DPP6: variants seen among roughly 807,000 people sequenced by gnomAD.
The protein encoded by DPP6 is dipeptidyl peptidase like 6.
A neutral mutation model predicts 122.6 loss-of-function variants in DPP6; 69 were observed. The ratio of observed to expected loss-of-function variants is 0.56; its 90% confidence interval spans 0.46 to 0.69. The LOEUF (loss-of-function observed/expected upper bound fraction) is 0.69, where lower values mean the gene tolerates loss of function less well. DPP6 is among the 30% of genes least tolerant of loss of function. The probability of loss-of-function intolerance (pLI) is 0.00; values close to 1 mark genes in which losing one functional copy is unlikely to be tolerated. For missense variants in DPP6, 928 were observed against 1,116.9 expected (o/e 0.83, Z 2.41); for synonymous variants, 418 against 433.1 (o/e 0.97, Z 0.43).
At chr7:154,452,721 A>G (rs1820494764) in intron 2 of DPP6, among the ~76,000 whole-genome samples, 1 of 152,158 alleles carries the variant, frequency 6.6e-6, no homozygotes, top group Non-Finnish European at 1.5e-5. Flanking sequence ...TCTCATGCGC[A>G]TGGTGGAGTG....
chr7:154,669,267 A>ATT, intron 6 of DPP6, 93 bp from the exon 7 acceptor site: 1 of 1,534,886 alleles, frequency 6.5e-7, no homozygotes, highest in South Asian at 1.2e-5. Context: ...AGGAGAAAGG[A>ATT]GTTAAGTTAT....
chr7:154,530,354 A>G (rs1307276177), intron 3 of DPP6, among the ~76,000 whole-genome samples: 1 of 152,204 alleles, frequency 6.6e-6, no homozygotes, highest in Non-Finnish European at 1.5e-5. Flanking sequence ...CAAGATGCTC[A>G]GTGAACATCA....
intron 1 of DPP6, among the ~76,000 whole-genome samples, chr7:153,938,946 A>G (rs1801578907): frequency 6.6e-6 from 1 of 152,210 alleles, no homozygotes; most frequent in South Asian, 2.1e-4. Flanking sequence ...TAGACACAAA[A>G]GTACTTTTTC....
intron 1 of DPP6, among the ~76,000 whole-genome samples, chr7:154,033,575 CTTTA>C (rs1799366620): frequency 6.6e-6 from 1 of 152,244 alleles, no homozygotes; most frequent in Non-Finnish European, 1.5e-5. Flanking sequence ...TGCTGCAAGG[CTTTA>C]CATCCTCCTC....
chr7:154,662,074 C>A (rs1283123871), intron 6 of DPP6, among the ~76,000 whole-genome samples: 1 of 148,214 alleles, frequency 6.7e-6, no homozygotes, highest in Non-Finnish European at 1.5e-5. Context: ...GCGTATTGGC[C>A]ATAGTGTTCA....
At chr7:154,610,707 CTGTGTGTGTGTGTGTGTGTGTGTG>C (rs10525265) in intron 5 of DPP6, among the ~76,000 whole-genome samples, 2 of 121,996 alleles carry the variant, frequency 1.6e-5, no homozygotes, top group Admixed American at 8.8e-5. Flanking sequence ...GTGTTGTTCT[CTGTGTGTGTGTGTGTGTGTGTGTG>C]TGTGTGTGTG....
chr7:154,705,138 G>A (rs1310382627), intron 7 of DPP6, among the ~76,000 whole-genome samples: 1 of 152,142 alleles, frequency 6.6e-6, no homozygotes, highest in Non-Finnish European at 1.5e-5. Context: ...GGGGGAGAAG[G>A]GAGGGCATAG....
intron 8 of DPP6, among the ~76,000 whole-genome samples, chr7:154,730,588 A>G (rs1842289241): frequency 6.6e-6 from 1 of 152,238 alleles, no homozygotes; most frequent in Non-Finnish European, 1.5e-5. Flanking sequence ...ACAAAGGAAA[A>G]AAGATGTTTA....
chr7:154,463,076 C>T (rs576701167), intron 2 of DPP6, among the ~76,000 whole-genome samples: 2 of 151,900 alleles, frequency 1.3e-5, no homozygotes, highest in Admixed American at 1.3e-4. Flanking sequence ...GAAATATCAT[C>T]CAAGAACCAA....
intron 1 of DPP6, among the ~76,000 whole-genome samples, chr7:154,182,394 C>T (rs1248831865): frequency 6.6e-6 from 1 of 152,128 alleles, no homozygotes; most frequent in African/African-American, 2.4e-5. Context: ...TCCCCCTCCT[C>T]ATGCTGGTTG....
chr7:154,215,900 A>G (rs1799968783), intron 1 of DPP6, among the ~76,000 whole-genome samples: 4 of 152,098 alleles, frequency 2.6e-5, no homozygotes, highest in Admixed American at 6.6e-5. Context: ...AGTAGGCTGA[A>G]TTCTTCAACC....
At chr7:154,431,995 CT>C (rs1408510544) in intron 1 of DPP6, among the ~76,000 whole-genome samples, 4 of 152,154 alleles carry the variant, frequency 2.6e-5, no homozygotes, top group African/African-American at 9.7e-5. Flanking sequence ...TGATCTCAGC[CT>C]GGCCCAGCTC....
chr7:153,773,325 TATA>T, the DPP6 span, among the ~76,000 whole-genome samples: 4 of 42,284 alleles, frequency 9.5e-5, no homozygotes, highest in Admixed American at 2.4e-4. Context: ...TATATATATA[TATA>T]TATTTTTTTT....
chr7:154,856,594 G>A (rs1378223911), intron 17 of DPP6, among the ~76,000 whole-genome samples: 1 of 152,202 alleles, frequency 6.6e-6, no homozygotes, highest in East Asian at 1.9e-4. Context: ...CAAAGATCCA[G>A]GAAATTTTGT....
chr7:153,844,767 A>G, the DPP6 span, among the ~76,000 whole-genome samples: 5 of 152,216 alleles, frequency 3.3e-5, no homozygotes, highest in Non-Finnish European at 5.9e-5. Context: ...TTTTAAATAT[A>G]ATGTTTTGAA....
chr7:154,322,500 G>C (rs559963101), intron 1 of DPP6, among the ~76,000 whole-genome samples: 4 of 152,320 alleles, frequency 2.6e-5, no homozygotes, highest in African/African-American at 9.6e-5. Context: ...GCCATGGAGA[G>C]ACTCGTGCTT....
At position 154,310,099 on chromosome 7, in the gene DPP6, C is replaced by T. The variant is rs547087569; in HGVS notation, c.244-136115C>T. ...ATGTGTGAAGGATTTGAGGAGAGAA[C>T]TGGGAAGTCTTGGATATCCTACAGA... On this transcript the variant is annotated intron_variant, in intron 1 of 25. Coordinates refer to ENST00000377770, the MANE Select transcript of DPP6 (RefSeq NM_130797.4). Among the ~76,000 whole-genome samples, 6 of 152,236 alleles carry T rather than the reference C, an allele frequency of 3.9e-5. No individual in the cohort carries two copies. The East Asian group carries it at 7.7e-4, about 20-fold the overall frequency.
At chr7:154,700,673 G>T (rs1204063220) in intron 7 of DPP6, among the ~76,000 whole-genome samples, 1 of 152,192 alleles carries the variant, frequency 6.6e-6, no homozygotes, top group African/African-American at 2.4e-5. Flanking sequence ...TGTTGACCTA[G>T]CGAAGAAAAT....
intron 1 of DPP6, among the ~76,000 whole-genome samples, chr7:154,115,777 G>C (rs1420434458): frequency 1.4e-3 from 200 of 143,674 alleles, no homozygotes; most frequent in African/African-American, 3.8e-3. Flanking sequence ...GGTGGGGACA[G>C]TACAAACTTA....
Sources: gnomAD v4.1 joint callset for allele counts (sites outside exome capture counted in the v4.1 genomes callset) on GRCh38, gnomAD v4.1.1 for gene constraint, MANE v1.5 for transcripts, NCBI Gene and HGNC (gene_info 2026-07-23, HGNC 2026-07-21) for gene names.